Variants in USP34 observed in about 807,000 individuals in gnomAD.
USP34 encodes the protein ubiquitin carboxyl-terminal hydrolase 34.
A neutral mutation model predicts 460.3 loss-of-function variants in USP34; 70 were observed. The observed-to-expected ratio is 0.15, with a 90% CI of 0.13 to 0.19. The LOEUF is 0.19. Ranked by LOEUF, USP34 falls within the 10% of genes least tolerant of loss-of-function variation. USP34 has a pLI of 1.00. For missense variants in USP34, 3,985 were observed against 4,236.2 expected (o/e 0.94, Z 1.65); for synonymous variants, 1,647 against 1,405.3 (o/e 1.17, Z -3.85).
At chr2:61,286,181 A>G (rs935617087) in intron 34 of USP34, among the ~76,000 whole-genome samples, 1 of 152,162 alleles carries the variant, frequency 6.6e-6, no homozygotes, top group Non-Finnish European at 1.5e-5. Flanking sequence ...AAACTCTTAA[A>G]TAAGTTAGTG....
chr2:61,301,193 T>C lies in USP34; in HGVS notation c.3919-33A>G. On this transcript the variant is annotated intron_variant, in intron 28 of 79. Transcript: ENST00000398571. Reference sequence around the variant, plus strand: ...AAACAGGAAAAAAAATTTATGCATATCAAGCTTTTAGTTTAATAAAACGGT... The same window carrying C: ...AAACAGGAAAAAAAATTTATGCATACCAAGCTTTTAGTTTAATAAAACGGT... 2.5e-6 allele frequency: 4 copies of C among 1,569,412 alleles called. No individual in the cohort carries two copies. In the South Asian group the frequency reaches 3.6e-5, roughly 14 times the overall value.
chr2:61,237,415 G>A (rs186715374), intron 53 of USP34, among the ~76,000 whole-genome samples: 56 of 152,080 alleles, frequency 3.7e-4, no homozygotes, highest in African/African-American at 1.3e-3. Flanking sequence ...ATGATCTCCT[G>A]GACCTAAAGG....
At chr2:61,232,340 T>C (rs1687930730) in intron 58 of USP34, 112 bp downstream of exon 58, 1 of 908,836 alleles carries the variant, frequency 1.1e-6, no homozygotes, top group African/African-American at 1.7e-5. Context: ...GGCAGATCTT[T>C]TCAAACTATT....
chr2:61,192,951 G>A lies in USP34; in HGVS notation c.9538C>T (p.Leu3180Phe), dbSNP rs1167855646. ...AGTTTGGGGAACAGTGCAAGATGAAGTGGCAAACCTTCATAGGCAACTAGG... is the reference window on the plus strand; with the variant it reads ...AGTTTGGGGAACAGTGCAAGATGAAATGGCAAACCTTCATAGGCAACTAGG... ...SVLVAYEGLP[L>F]HLALFPKLWT... Residue 3180 changes from leucine (L) to phenylalanine (F), a missense_variant, in exon 76 of 80, where the codon CTT becomes TTT. Physicochemically the swap from Leu to Phe is conservative, Grantham distance 22. Coordinates refer to ENST00000398571, the MANE Select transcript of USP34 (RefSeq NM_014709.4). 6.2e-7 allele frequency: 1 copy of A among 1,613,902 alleles called. No homozygotes were observed. The highest frequency in any genetic ancestry group is 8.5e-7 in the Non-Finnish European group (1 of 1,179,872).
intron 27 of USP34, among the ~76,000 whole-genome samples, chr2:61,303,069 G>T (rs200589956): frequency 4.6e-5 from 7 of 151,812 alleles, no homozygotes; most frequent in Admixed American, 1.3e-4. Context: ...TCATATTATT[G>T]TAAGTTTTTT....
At chr2:61,339,754 G>T in intron 16 of USP34, 73 bp from the exon 17 acceptor site, 2 of 716,576 alleles carry the variant, frequency 2.8e-6, no homozygotes, top group East Asian at 3.1e-5. Flanking sequence ...CATATGGTTA[G>T]CAAATCCAAA....
At chr2:61,465,473 T>C (rs1428009581) in intron 1 of USP34, among the ~76,000 whole-genome samples, 2 of 152,222 alleles carry the variant, frequency 1.3e-5, no homozygotes, top group African/African-American at 2.4e-5. Context: ...ATTAAGTCCT[T>C]ACTCTTATCA....
chr2:61,235,804 G>T, intron 57 of USP34, 41 bp downstream of exon 57: 1 of 1,568,792 alleles, frequency 6.4e-7, no homozygotes, highest in Non-Finnish European at 8.6e-7. Flanking sequence ...AAAAAAAAAA[G>T]AATCTTAAAC....
chr2:61,348,948 G>A (rs930033057), intron 13 of USP34, 62 bp from the exon 14 acceptor site: 13 of 1,508,474 alleles, frequency 8.6e-6, no homozygotes, highest in South Asian at 8.0e-5. Context: ...TTAACAGAAT[G>A]ACATTATCAT....
intron 1 of USP34, among the ~76,000 whole-genome samples, chr2:61,468,272 G>A (rs1209071879): frequency 3.3e-5 from 5 of 152,172 alleles, no homozygotes; most frequent in Admixed American, 6.6e-5. Flanking sequence ...TGCAACCTCC[G>A]CCTCCGGGTT....
chr2:61,307,304 G>A (rs947108369), intron 27 of USP34, among the ~76,000 whole-genome samples: 10 of 132,808 alleles, frequency 7.5e-5, no homozygotes, highest in South Asian at 3.0e-4. Context: ...ATCACACACC[G>A]GGGCCTGTCA....
chr2:61,365,421 A>C (rs1692406528), intron 10 of USP34, among the ~76,000 whole-genome samples: 2 of 152,162 alleles, frequency 1.3e-5, no homozygotes, highest in Admixed American at 6.5e-5. Context: ...ACTTTAAAAA[A>C]AGACAAACCA....
At chr2:61,398,546 G>GCAA (rs1693612458) in intron 3 of USP34, among the ~76,000 whole-genome samples, 1 of 120,700 alleles carries the variant, frequency 8.3e-6, no homozygotes, top group Non-Finnish European at 1.8e-5. Flanking sequence ...GCGGAAGCGG[G>GCAA]GGAAGGAGGC....
At chr2:61,210,268 G>T (rs897512284) in intron 69 of USP34, among the ~76,000 whole-genome samples, 3 of 152,146 alleles carry the variant, frequency 2.0e-5, no homozygotes, top group East Asian at 1.9e-4. Flanking sequence ...ACCATTCATG[G>T]TAAGTGCCCT....
At chr2:61,235,143 A>G (rs944727942) in intron 57 of USP34, among the ~76,000 whole-genome samples, 1 of 152,176 alleles carries the variant, frequency 6.6e-6, no homozygotes, top group Non-Finnish European at 1.5e-5. Context: ...GTGTTAATTA[A>G]TTTGAATGTG....
intron 8 of USP34, among the ~76,000 whole-genome samples, chr2:61,375,768 CAAAAAAAAAAAAAA>C (rs56304309): frequency 2.6e-4 from 21 of 80,886 alleles, no homozygotes; most frequent in Non-Finnish European, 3.7e-4. Context: ...GACTCTGTCT[CAAAAAAAAAAAAAA>C]AAAAAAAAAA....
chr2:61,289,146 A>G (rs912034193), intron 33 of USP34, among the ~76,000 whole-genome samples: 6 of 152,294 alleles, frequency 3.9e-5, no homozygotes, highest in African/African-American at 1.4e-4. Flanking sequence ...AGGCAATATA[A>G]AAATATATGT....
chr2:61,295,122 CAG>C (rs1689986394), intron 31 of USP34, 44 bp downstream of exon 31: 1 of 1,597,378 alleles, frequency 6.3e-7, no homozygotes, highest in African/African-American at 1.4e-5. Flanking sequence ...AATTTTGCTC[CAG>C]AGAGAATACA....
Position 61,395,220 on chromosome 2 carries a change from T to G in USP34, c.566A>C (p.Gln189Pro). 5 of 1,489,342 alleles carry G rather than the reference T, an allele frequency of 3.4e-6. No homozygotes were observed. The highest frequency in any genetic ancestry group is 4.6e-6 in the Non-Finnish European group (5 of 1,085,664). The allele number at this position is 1,489,342 out of a possible 1,614,324, so 92.3% of individuals were successfully genotyped here. Residue 189 changes from glutamine (Q) to proline (P), a missense_variant, in exon 4 of 80, where the codon CAA (glutamine) becomes CCA (proline). Gln to Pro is a moderately conservative substitution (Grantham distance 76). Around this residue, in one of 14 missense-constraint regions of USP34, gnomAD observed 331 missense variants for 293.7 expected, o/e 1.13. Transcript: ENST00000398571. ...GAATGCCCCTAATATGTTACTTTCT[T>G]GAGTTGATATATCCTAATTAAAAAA... ...THPTIEDIST[Q>P]ESNILGAFCD...
Sources: allele counts gnomAD v4.1 joint callset (sites outside exome capture counted in the v4.1 genomes callset), GRCh38; gene constraint gnomAD v4.1.1; regional missense constraint gnomAD v4.1.1; transcripts MANE v1.5; gene names NCBI Gene and HGNC (gene_info 2026-07-23, HGNC 2026-07-21).